The following ATXN1 variants were observed in gnomAD, a reference collection of about 807,000 sequenced individuals.
ATXN1 encodes ataxin-1.
A neutral mutation model predicts 56.4 loss-of-function variants in ATXN1; 8 were observed. That is an observed-to-expected ratio of 0.14 (90% CI 0.08 to 0.26). The LOEUF is 0.26. Ranked by LOEUF, ATXN1 falls within the 10% of genes least tolerant of loss-of-function variation. The pLI is 1.00. For missense variants in ATXN1, 987 were observed against 1,106.5 expected, an observed-to-expected ratio of 0.89 and a Z score of 1.53; for synonymous variants, 514 against 494.6, an observed-to-expected ratio of 1.04 and a Z score of -0.52.
chr6:16,341,760 C>A (rs1296652771), intron 6 of ATXN1, among the ~76,000 whole-genome samples: 1 of 152,026 alleles, frequency 6.6e-6, no homozygotes, highest in Non-Finnish European at 1.5e-5. Context: ...ACCTCTTGAT[C>A]TGCCTGCCTC....
At position 16,304,351 on chromosome 6, in the gene ATXN1, C is replaced by T. The variant is rs1012324946; in HGVS notation, c.*1978G>A. 4 of 151,988 alleles carry T rather than the reference C, an allele frequency of 2.6e-5. No homozygotes were observed. The highest frequency in any genetic ancestry group is 4.4e-5 in the Non-Finnish European group (3 of 67,956). 9.4% of individuals were successfully genotyped at this position (151,988 alleles called of 1,614,324 possible). A position where few individuals can be genotyped will look rare whatever the true frequency, so the allele number is the denominator to read the frequency against. On this transcript the variant is annotated 3_prime_UTR_variant, in exon 8 of 8. Coordinates refer to ENST00000436367, the MANE Select transcript of ATXN1 (RefSeq NM_001128164.2). Reference sequence around the variant, plus strand: ...CATTCAAAACCCACAAATGATATTTCGGATCTCTGGGAATGAAAGGTTTAA... The same window carrying T: ...CATTCAAAACCCACAAATGATATTTTGGATCTCTGGGAATGAAAGGTTTAA...
At chr6:16,655,702 A>T (rs1429914330) in intron 3 of ATXN1, among the ~76,000 whole-genome samples, 1 of 151,906 alleles carries the variant, frequency 6.6e-6, no homozygotes, top group African/African-American at 2.4e-5. Flanking sequence ...AAATAAATAA[A>T]TAAATAAATA....
rs1313299501 is a variant in ATXN1, at chr6:16,678,094, A to G, written c.-614-20193T>C. 5.3e-5 allele frequency among the ~76,000 whole-genome samples: 8 copies of G among 152,140 alleles called. No homozygotes were observed. The South Asian group carries it at 6.2e-4, about 12-fold the overall frequency. ...ATTTTACCAAGAGCAAAAAGAAGGG[A>G]AAAAAAAGTCTCTTCATTTTGCCAT... On this transcript the variant is annotated intron_variant, in intron 2 of 7. Coordinates refer to ENST00000436367, the MANE Select transcript of ATXN1 (RefSeq NM_001128164.2).
chr6:16,743,396 G>A (rs1050336575), intron 2 of ATXN1, among the ~76,000 whole-genome samples: 1 of 152,150 alleles, frequency 6.6e-6, no homozygotes, highest in African/African-American at 2.4e-5. Flanking sequence ...GAACAAACAG[G>A]TGCCATAGCT....
At chr6:16,415,929 G>T (rs1456505881) in intron 6 of ATXN1, among the ~76,000 whole-genome samples, 3 of 152,134 alleles carry the variant, frequency 2.0e-5, no homozygotes, top group African/African-American at 7.2e-5. Context: ...ACAGGAAAAA[G>T]AAGGAGGGGA....
chr6:16,527,613 G>A (rs1056771370), intron 4 of ATXN1, among the ~76,000 whole-genome samples: 1 of 152,192 alleles, frequency 6.6e-6, no homozygotes, highest in Non-Finnish European at 1.5e-5. Context: ...TCCAGCCGAT[G>A]CAATTTTTAA....
intron 6 of ATXN1, among the ~76,000 whole-genome samples, chr6:16,396,761 G>GT (rs1758467026): frequency 3.9e-5 from 6 of 152,240 alleles, no homozygotes; most frequent in Admixed American, 3.9e-4. Context: ...CATGGTAAGT[G>GT]CCCTATATAG....
intron 6 of ATXN1, among the ~76,000 whole-genome samples, chr6:16,345,503 T>A (rs192337958): frequency 6.6e-6 from 1 of 152,344 alleles, no homozygotes. Context: ...GGAGATCAGC[T>A]GTACACATCG....
chr6:16,635,643 G>C (rs1763582578), intron 3 of ATXN1, among the ~76,000 whole-genome samples: 1 of 152,198 alleles, frequency 6.6e-6, no homozygotes, highest in Non-Finnish European at 1.5e-5. Context: ...TGTGAGTTCA[G>C]GCAAAAACAC....
At chr6:16,408,259 C>A (rs1014147635) in intron 6 of ATXN1, among the ~76,000 whole-genome samples, 41 of 152,202 alleles carry the variant, frequency 2.7e-4, no homozygotes, top group African/African-American at 8.7e-4. Flanking sequence ...CATCACAGGG[C>A]AGAAACGGGA....
chr6:16,509,128 G>A (rs1761033181), intron 5 of ATXN1, among the ~76,000 whole-genome samples: 1 of 152,080 alleles, frequency 6.6e-6, no homozygotes, highest in South Asian at 2.1e-4. Context: ...GGAATTTATT[G>A]TCTAATGGGT....
At chr6:16,715,190 A>C (rs900136497) in intron 2 of ATXN1, among the ~76,000 whole-genome samples, 5 of 152,160 alleles carry the variant, frequency 3.3e-5, no homozygotes, top group African/African-American at 1.2e-4. Flanking sequence ...AATCATTACA[A>C]TAGCTTCTAT....
chr6:16,755,952 A>G (rs1581427516), intron 1 of ATXN1, among the ~76,000 whole-genome samples: 1 of 152,208 alleles, frequency 6.6e-6, no homozygotes, highest in Non-Finnish European at 1.5e-5. Context: ...TTCTGCTAAC[A>G]TGAAATATGT....
chr6:16,551,014 G>A (rs1761911691), intron 4 of ATXN1, among the ~76,000 whole-genome samples: 1 of 152,168 alleles, frequency 6.6e-6, no homozygotes, highest in Admixed American at 6.5e-5. Context: ...TAGAATCACT[G>A]CATCCTAATT....
chr6:16,443,751 T>A (rs1478624263), intron 6 of ATXN1, among the ~76,000 whole-genome samples: 1 of 152,158 alleles, frequency 6.6e-6, no homozygotes, highest in African/African-American at 2.4e-5. Flanking sequence ...AATACTGATG[T>A]AAAATGAATG....
chr6:16,635,443 TGGTGCCAAAAAGGTTAG>T (rs1289269270), intron 3 of ATXN1, among the ~76,000 whole-genome samples: 2 of 152,188 alleles, frequency 1.3e-5, no homozygotes, highest in Admixed American at 6.5e-5. Flanking sequence ...AACCAGTCCC[TGGTGCCAAAAAGGTTAG>T]GGACCACTGG....
intron 6 of ATXN1, among the ~76,000 whole-genome samples, chr6:16,382,299 C>CAA (rs56015325): frequency 3.2e-5 from 4 of 124,646 alleles, no homozygotes; most frequent in Non-Finnish European, 5.3e-5. Flanking sequence ...GATTCCATCT[C>CAA]AAAAAAAAAA....
At chr6:16,602,775 G>C (rs972732756) in intron 3 of ATXN1, among the ~76,000 whole-genome samples, 1 of 152,142 alleles carries the variant, frequency 6.6e-6, no homozygotes, top group Non-Finnish European at 1.5e-5. Context: ...AACGGGGAAA[G>C]AGGATAAGGT....
At chr6:16,738,177 T>C (rs538873870) in intron 2 of ATXN1, 1 of 152,298 alleles carries the variant, frequency 6.6e-6, no homozygotes, top group South Asian at 2.1e-4. Flanking sequence ...CCAGGACCAA[T>C]GCCAGAATGA....
Sources: allele counts gnomAD v4.1 joint callset (sites outside exome capture counted in the v4.1 genomes callset), GRCh38; gene constraint gnomAD v4.1.1; transcripts MANE v1.5; gene names NCBI Gene and HGNC (gene_info 2026-07-23, HGNC 2026-07-21).